The following MSRA variants were observed in gnomAD, a reference collection of about 807,000 sequenced individuals.
The protein encoded by MSRA is mitochondrial peptide methionine sulfoxide reductase.
In MSRA, 54 loss-of-function variants were observed where a neutral mutation model predicts 31.3. The observed-to-expected ratio is 1.73, with a 90% CI of 1.39 to 2.17. MSRA has a LOEUF of 2.17. Ranked by LOEUF, MSRA falls within the 30% of genes most tolerant of loss-of-function variation. The pLI is 0.00. For synonymous variants in MSRA, 169 were observed against 116.5 expected (o/e 1.45, Z -2.90); for missense variants, 507 against 300.9 (o/e 1.69, Z -5.07).
chr8:10,128,357 C>T (rs902004133), intron 1 of MSRA, among the ~76,000 whole-genome samples: 109 of 150,758 alleles, frequency 7.2e-4, no homozygotes, highest in African/African-American at 1.9e-3. Flanking sequence ...CCAGCCTGGG[C>T]GACAAAAGCA....
Position 10,350,391 on chromosome 8 carries a change from G to C in MSRA, c.543+30402G>C, listed in dbSNP as rs1004918094. Among the ~76,000 whole-genome samples, 9 of 152,348 alleles carry C rather than the reference G, an allele frequency of 5.9e-5. No individual in the cohort carries two copies. In the East Asian group the frequency reaches 1.5e-3, roughly 26 times the overall value. ...GTGCGGGACTGGACAGCGCCGGCCG[G>C]ATGCTTCTGCCTTCGCTCATTGACG... On this transcript the variant is annotated intron_variant, in intron 5 of 5. Transcript: ENST00000317173.
chr8:10,192,111 C>G (rs1358420929), intron 1 of MSRA, among the ~76,000 whole-genome samples: 1 of 152,188 alleles, frequency 6.6e-6, no homozygotes, highest in East Asian at 1.9e-4. Flanking sequence ...TCCCCCACAG[C>G]AAGCCATCTA....
chr8:10,082,415 G>A (rs1798340919), intron 1 of MSRA, among the ~76,000 whole-genome samples: 1 of 152,074 alleles, frequency 6.6e-6, no homozygotes, highest in African/African-American at 2.4e-5. Context: ...CCTGCTTGAG[G>A]GCGAAGCTGT....
At chr8:10,082,492 C>T (rs1326456180) in intron 1 of MSRA, among the ~76,000 whole-genome samples, 1 of 152,180 alleles carries the variant, frequency 6.6e-6, no homozygotes, top group Non-Finnish European at 1.5e-5. Context: ...TTTTCTCCCA[C>T]AAAACAGATG....
At chr8:10,391,882 G>A (rs1441851496) in intron 5 of MSRA, among the ~76,000 whole-genome samples, 1 of 152,178 alleles carries the variant, frequency 6.6e-6, no homozygotes, top group Non-Finnish European at 1.5e-5. Context: ...GTTTCTTCAT[G>A]GTGCTGATCA....
chr8:10,118,969 C>G (rs55683917), intron 1 of MSRA, among the ~76,000 whole-genome samples: 58,528 of 151,996 alleles, frequency 0.39, 12,022 homozygotes, highest in Middle Eastern at 0.55. Flanking sequence ...CTGGTCCCCT[C>G]CAGATGATCT....
chr8:10,272,307 C>G (rs868102228), intron 3 of MSRA, among the ~76,000 whole-genome samples: 25 of 152,250 alleles, frequency 1.6e-4, no homozygotes, highest in African/African-American at 4.1e-4. Context: ...TGGTGAGTTC[C>G]AAGATCTAAG....
At chr8:10,346,932 C>A (rs544414088) in intron 5 of MSRA, among the ~76,000 whole-genome samples, 8 of 152,272 alleles carry the variant, frequency 5.3e-5, no homozygotes, top group Non-Finnish European at 1.0e-4. Context: ...TATAGTCAGA[C>A]TAGTGTCCAT....
intron 5 of MSRA, among the ~76,000 whole-genome samples, chr8:10,356,516 G>A (rs919316052): frequency 6.6e-6 from 1 of 152,210 alleles, no homozygotes; most frequent in Non-Finnish European, 1.5e-5. Context: ...GGTGTGTGCT[G>A]TGGACTGAAT....
At chr8:10,079,527 C>G (rs1354220253) in intron 1 of MSRA, among the ~76,000 whole-genome samples, 1 of 152,188 alleles carries the variant, frequency 6.6e-6, no homozygotes, top group African/African-American at 2.4e-5. Flanking sequence ...CACTAGCAGC[C>G]ATGACGTGAG....
intron 1 of MSRA, among the ~76,000 whole-genome samples, chr8:10,185,833 T>C (rs1411237059): frequency 6.6e-6 from 1 of 152,192 alleles, no homozygotes; most frequent in Non-Finnish European, 1.5e-5. Context: ...CCAAGTGCTT[T>C]CGTGTGAATC....
chr8:10,421,345 G>T (rs1472955547), intron 5 of MSRA, among the ~76,000 whole-genome samples: 11 of 152,174 alleles, frequency 7.2e-5, no homozygotes, highest in Admixed American at 7.2e-4. Context: ...CGTGAATAGA[G>T]GGTGGAAGCC....
chr8:10,177,644 C>A (rs1182192894), intron 1 of MSRA, among the ~76,000 whole-genome samples: 1 of 152,216 alleles, frequency 6.6e-6, no homozygotes, highest in East Asian at 1.9e-4. Flanking sequence ...ATGATGTATA[C>A]CATTAAGGAA....
In MSRA at chr8:10,319,995, G is replaced by C; in HGVS notation, c.543+6G>C. 6.3e-7 allele frequency: 1 copy of C among 1,590,420 alleles called. No individual in the cohort carries two copies. The highest frequency in any genetic ancestry group is 8.6e-7 in the Non-Finnish European group (1 of 1,166,828). ...CCAAAGAGAACTACCAAAAGGTAGG[G>C]ATTGCTGGGCTCCTAGCCCCTGGCT... On this transcript the variant is annotated splice_donor_region_variant and intron_variant, in intron 5 of 5. Transcript: ENST00000317173.
At chr8:10,211,094 G>T (rs1329295551) in intron 2 of MSRA, among the ~76,000 whole-genome samples, 5 of 151,982 alleles carry the variant, frequency 3.3e-5, no homozygotes, top group African/African-American at 1.2e-4. Context: ...GAATGCTACC[G>T]AAATAAGAAC....
chr8:10,380,609 C>T (rs930718206), intron 5 of MSRA, among the ~76,000 whole-genome samples: 3 of 152,192 alleles, frequency 2.0e-5, no homozygotes, highest in African/African-American at 7.2e-5. Flanking sequence ...TAATTTCTTT[C>T]CTTTTCTAGA....
At chr8:10,073,650 C>A (rs1455873249) in intron 1 of MSRA, among the ~76,000 whole-genome samples, 3 of 151,952 alleles carry the variant, frequency 2.0e-5, no homozygotes, top group Non-Finnish European at 4.4e-5. Context: ...TGGCTAAGAC[C>A]TAGAGCTTGA....
At chr8:10,083,732 CCTAAA>C (rs1798407620) in intron 1 of MSRA, among the ~76,000 whole-genome samples, 1 of 151,234 alleles carries the variant, frequency 6.6e-6, no homozygotes, top group South Asian at 2.1e-4. Flanking sequence ...TGTTTTTTTC[CCTAAA>C]CAGTGATTTT....
rs1278410702 is a variant in MSRA at position 10,245,199 on chromosome 8, C to G, written c.307C>G (p.Pro103Ala). The G allele has an allele frequency of 1.9e-6, 3 of 1,612,946 alleles. No homozygotes were observed. Among genetic ancestry groups the G allele is most frequent in the South Asian group, 1.1e-5 (1 of 90,904 alleles). ...VGFAGGYTSN[P>A]TYKEVCSEKT... Reference sequence around the variant, plus strand: ...TTTTGCAGGAGGCTATACTTCAAATCCTACTTATAAAGAAGTCTGCTCAGG... The same window carrying G: ...TTTTGCAGGAGGCTATACTTCAAATGCTACTTATAAAGAAGTCTGCTCAGG... Residue 103 changes from proline to alanine, a missense_variant, in exon 3 of 6, where the codon CCT (proline) becomes GCT (alanine). Pro to Ala is a conservative substitution (Grantham distance 27). Transcript: ENST00000317173.
Sources: gnomAD v4.1 joint callset for allele counts (sites outside exome capture counted in the v4.1 genomes callset) on GRCh38, gnomAD v4.1.1 for gene constraint, MANE v1.5 for transcripts, NCBI Gene and HGNC (gene_info 2026-07-23, HGNC 2026-07-21) for gene names.